JPH2: variants seen among roughly 807,000 people sequenced by gnomAD.
JPH2 encodes junctophilin-2.
JPH2 carries 38 observed loss-of-function variants against 55.9 expected under a neutral mutation model. That is an observed-to-expected ratio of 0.68 (90% CI 0.52 to 0.89). JPH2 has a LOEUF of 0.89. Among genes scored for constraint, JPH2 ranks in the 40% least tolerant of loss-of-function variants. The pLI is 0.00. For synonymous variants in JPH2, 480 were observed against 472.4 expected (o/e 1.02, Z -0.21); for missense variants, 964 against 1,037.6 (o/e 0.93, Z 0.97).
chr20:44,114,753 C>T, intron 5 of JPH2, 29 bp downstream of exon 5: 1 of 1,538,142 alleles, frequency 6.5e-7, no homozygotes, highest in Non-Finnish European at 8.9e-7. Context: ...TCCTGCCCCC[C>T]AACCCCTCCT....
At chr20:44,134,644 A>AATAT (rs1569194983) in intron 2 of JPH2, among the ~76,000 whole-genome samples, 9 of 30,646 alleles carry the variant, frequency 2.9e-4, no homozygotes, top group African/African-American at 1.3e-3. Context: ...TAAATATATA[A>AATAT]ATATTTATTA....
chr20:44,134,930 T>TAC, intron 2 of JPH2, among the ~76,000 whole-genome samples: 1 of 116,722 alleles, frequency 8.6e-6, no homozygotes, highest in Non-Finnish European at 1.7e-5. Flanking sequence ...TATATTTATA[T>TAC]ATATATATAA....
rs2072605981 is a variant in JPH2 at position 44,160,952 on chromosome 20, T to C, written c.380-545A>G. ...TTAGTCAGGCGTGGTGGCATGCACC[T>C]GTGGTCCCAGCTACTAGAGAGGCTG... On this transcript the variant is annotated intron_variant, in intron 1 of 5. Transcript: ENST00000372980. The surrounding 1 kb of genome is among the most constrained non-coding windows in gnomAD (Gnocchi z 4.9). Among the ~76,000 whole-genome samples the C allele has an allele frequency of 6.6e-6, 1 of 152,134 alleles. No homozygotes were observed. The highest frequency in any genetic ancestry group is 1.5e-5 in the Non-Finnish European group (1 of 68,018).
rs2072603438 is a variant in JPH2, at chr20:44,160,534, G to A, written c.380-127C>T. ...GACCGAGAGGCGCAAGGCCGTCTGA[G>A]GGTCAGGGTGCACAGTGCTATGAGT... On this transcript the variant is annotated intron_variant, in intron 1 of 5. Coordinates refer to ENST00000372980, the MANE Select transcript of JPH2 (RefSeq NM_020433.5). The surrounding 1 kb of genome is among the most constrained non-coding windows in gnomAD (Gnocchi z 4.9). 3 of 917,212 alleles carry A rather than the reference G, an allele frequency of 3.3e-6. No individual in the cohort carries two copies. In the East Asian group the frequency reaches 7.9e-5, roughly 24 times the overall value. The allele number at this position is 917,212 out of a possible 1,614,324, so 56.8% of individuals were successfully genotyped here.
rs747466514 is a variant in JPH2, at chr20:44,118,576, A to G, written c.1217T>C (p.Leu406Pro). Residue 406 changes from leucine to proline, a missense_variant, in exon 3 of 6, where the codon CTG becomes CCG. Leu to Pro is a moderately conservative substitution (Grantham distance 98, BLOSUM62 -3). Coordinates refer to ENST00000372980, the MANE Select transcript of JPH2 (RefSeq NM_020433.5). ...AKAEAAEQAA[L>P]AANQESNIAR... The stretch of plus-strand genomic sequence containing the variant: ...AATGTTGGACTCCTGGTTGGCAGCC[A>G]GGGCGGCCTGTTCCGCTGCCTCAGC... The G allele has an allele frequency of 6.2e-7, 1 of 1,612,810 alleles. No individual in the cohort carries two copies. The highest frequency in any genetic ancestry group is 8.5e-7 in the Non-Finnish European group (1 of 1,180,034).
At position 44,156,706 on chromosome 20, in the gene JPH2, A is replaced by T. The variant is rs146223351; in HGVS notation, c.1169+2912T>A. On this transcript the variant is annotated intron_variant, in intron 2 of 5. Coordinates refer to ENST00000372980, the MANE Select transcript of JPH2 (RefSeq NM_020433.5). Reference sequence around the variant, plus strand: ...TTTTATAAGGGATTTAATCCCACCCATGAGGATTAATCACCTCTCAAAGAT... The same window carrying T: ...TTTTATAAGGGATTTAATCCCACCCTTGAGGATTAATCACCTCTCAAAGAT... Among the ~76,000 whole-genome samples, 74 of 152,316 alleles carry T rather than the reference A, an allele frequency of 4.9e-4. 3 individuals are homozygous for T. The East Asian group carries it at 0.014, about 29-fold the overall frequency.
chr20:44,158,581 A>G (rs1438907569), intron 2 of JPH2, among the ~76,000 whole-genome samples: 1 of 152,226 alleles, frequency 6.6e-6, no homozygotes, highest in Admixed American at 6.5e-5. Flanking sequence ...GGTGCCATAA[A>G]TGTTTGGAGA....
At chr20:44,143,778 A>G (rs2145865638) in intron 2 of JPH2, among the ~76,000 whole-genome samples, 1 of 152,262 alleles carries the variant, frequency 6.6e-6, no homozygotes, top group East Asian at 1.9e-4. Flanking sequence ...GCAGGCTGAC[A>G]TTTTTTAAAG....
chr20:44,119,873 C>CA (rs56808570), intron 2 of JPH2, among the ~76,000 whole-genome samples: 352 of 121,414 alleles, frequency 2.9e-3, no homozygotes, highest in African/African-American at 8.0e-3. Context: ...GACTCCATCT[C>CA]AAAAAAAAAA....
rs1410808297 is a variant in JPH2 at position 44,107,214 on chromosome 20, C to A, written c.*6304G>T. Among the ~76,000 whole-genome samples the A allele has an allele frequency of 1.3e-5, 2 of 152,214 alleles. No individual in the cohort carries two copies. The highest frequency in any genetic ancestry group is 2.9e-5 in the Non-Finnish European group (2 of 68,044). On this transcript the variant is annotated 3_prime_UTR_variant, in exon 6 of 6. Transcript: ENST00000372980. ...TCCAAAGCCCCAACCCATCCCCACTCCCCAACCATACTGCCTCTTATGGCC... is the reference window on the plus strand; with the variant it reads ...TCCAAAGCCCCAACCCATCCCCACTACCCAACCATACTGCCTCTTATGGCC...
At chr20:44,126,160 G>T (rs368218897) in intron 2 of JPH2, among the ~76,000 whole-genome samples, 1 of 42,550 alleles carries the variant, frequency 2.4e-5, no homozygotes, top group Non-Finnish European at 5.0e-5. Flanking sequence ...GGGAGGGAGG[G>T]AGGGAGGGAG....
At chr20:44,150,100 C>T (rs1376545081) in intron 2 of JPH2, among the ~76,000 whole-genome samples, 1 of 151,628 alleles carries the variant, frequency 6.6e-6, no homozygotes, top group Non-Finnish European at 1.5e-5. Context: ...TAATCTGAAT[C>T]CATTTGAGAC....
At chr20:44,181,361 G>A (rs1367506369) in intron 1 of JPH2, among the ~76,000 whole-genome samples, 2 of 152,154 alleles carry the variant, frequency 1.3e-5, no homozygotes, top group Admixed American at 6.5e-5. Flanking sequence ...TTGTGTGTGT[G>A]CATATATATG....
At chr20:44,135,110 T>C (rs1271739244) in intron 2 of JPH2, among the ~76,000 whole-genome samples, 1 of 151,336 alleles carries the variant, frequency 6.6e-6, no homozygotes, top group Admixed American at 6.6e-5. Context: ...CCATACCTAC[T>C]GGGGTGCCCA....
rs780958669 is a variant in JPH2, at chr20:44,115,814, T to C, written c.1861A>G (p.Lys621Glu). The change falls in exon 4 of 6, where the codon AAG (lysine) becomes GAG (glutamate). Residue 621 changes from lysine to glutamate, a missense_variant. By Grantham distance (56) the Lys-to-Glu change is moderately conservative. Coordinates refer to ENST00000372980, the MANE Select transcript of JPH2 (RefSeq NM_020433.5). ...GPEPARETPA[K>E]LEPKPIIPKA... ...GGGATGATGGGCTTGGGCTCCAGCT[T>C]GGCGGGGGTCTCGCGTGCAGGCTCG... is the stretch of plus-strand genomic sequence containing the variant. 10 of 1,604,044 alleles carry C rather than the reference T, an allele frequency of 6.2e-6. No homozygotes were observed. The South Asian group carries it at 9.9e-5, about 16-fold the overall frequency.
intron 1 of JPH2, among the ~76,000 whole-genome samples, chr20:44,174,434 G>C (rs751268829): frequency 6.6e-6 from 1 of 152,118 alleles, no homozygotes; most frequent in African/African-American, 2.4e-5. Context: ...TCCTTATTAC[G>C]TCTACATGTA....
intron 2 of JPH2, among the ~76,000 whole-genome samples, chr20:44,152,453 A>C (rs140902531): frequency 6.6e-6 from 1 of 152,306 alleles, no homozygotes; most frequent in East Asian, 1.9e-4. Context: ...AGGCAGGAGG[A>C]TAGCTTGAGC....
chr20:44,168,569 C>A (rs1285403152), intron 1 of JPH2, among the ~76,000 whole-genome samples: 1 of 152,128 alleles, frequency 6.6e-6, no homozygotes, highest in African/African-American at 2.4e-5. Context: ...CAGGTAACAT[C>A]ATTTTGATTT....
In JPH2 at chr20:44,116,384, G is replaced by T; in HGVS notation, c.1291C>A (p.Pro431Thr). ...AGCAGCCGGCGCTTCTGATATTCCG[G>T]ACCTGCCAGGGCAACACAGGGAGGC... Reference protein sequence around the residue: ...ELAPDFYQPGPEYQKRRLLQE... With the variant: ...ELAPDFYQPGTEYQKRRLLQE... Residue 431 changes from proline to threonine, a missense_variant and splice_region_variant, in exon 4 of 6, where the codon CCG (proline) becomes ACG (threonine). Transcript: ENST00000372980. The T allele has an allele frequency of 6.5e-7, 1 of 1,547,626 alleles. No individual in the cohort carries two copies. The highest frequency in any genetic ancestry group is 8.7e-7 in the Non-Finnish European group (1 of 1,146,658).
Sources: allele counts gnomAD v4.1 joint callset (sites outside exome capture counted in the v4.1 genomes callset), GRCh38; gene constraint gnomAD v4.1.1; non-coding constraint Gnocchi (gnomAD v3.1); transcripts MANE v1.5; gene names NCBI Gene and HGNC (gene_info 2026-07-23, HGNC 2026-07-21).